GABRR2: variants seen among roughly 807,000 people sequenced by gnomAD.
The protein encoded by GABRR2 is gamma-aminobutyric acid receptor subunit rho-2.
A neutral mutation model predicts 47.0 loss-of-function variants in GABRR2; 36 were observed. The ratio of observed to expected loss-of-function variants is 0.77; its 90% CI spans 0.59 to 1.01. The LOEUF is 1.01. Among genes scored for constraint, GABRR2 ranks in the 50% least tolerant of loss-of-function variants. The probability of loss-of-function intolerance (pLI) is 0.00; values close to 1 mark genes in which losing one functional copy is unlikely to be tolerated. For missense variants in GABRR2, 587 were observed against 594.6 expected (o/e 0.99, Z 0.13); for synonymous variants, 204 against 227.5 (o/e 0.90, Z 0.93).
At chr6:89,290,587 G>A (rs1774420719) in intron 2 of GABRR2, among the ~76,000 whole-genome samples, 1 of 152,238 alleles carries the variant, frequency 6.6e-6, no homozygotes, top group Admixed American at 6.5e-5. Context: ...GAGCCTCACA[G>A]ACTCGACACT....
intron 2 of GABRR2, among the ~76,000 whole-genome samples, chr6:89,272,535 T>C (rs1472291421): frequency 6.6e-6 from 1 of 152,158 alleles, no homozygotes; most frequent in Non-Finnish European, 1.5e-5. Flanking sequence ...TTTTGGATTT[T>C]AATTTTTTTT....
chr6:89,270,075 T>A (rs1774013044), intron 3 of GABRR2, among the ~76,000 whole-genome samples: 1 of 152,210 alleles, frequency 6.6e-6, no homozygotes, highest in South Asian at 2.1e-4. Flanking sequence ...GGATAGTGCA[T>A]GCATGAGAGT....
chr6:89,297,642 G>A (rs572933624), intron 2 of GABRR2, among the ~76,000 whole-genome samples: 7 of 152,306 alleles, frequency 4.6e-5, no homozygotes, highest in African/African-American at 1.7e-4. Flanking sequence ...ATCACTTGAG[G>A]TCAGGAGTTC....
chr6:89,303,150 C>T (rs1259366552), intron 1 of GABRR2: 14 of 454,724 alleles, frequency 3.1e-5, no homozygotes, highest in African/African-American at 1.6e-4. Flanking sequence ...CAGGTGGCGC[C>T]GGTGCCAAGG....
chr6:89,263,453 C>T (rs1405454189), intron 8 of GABRR2, among the ~76,000 whole-genome samples: 1 of 152,206 alleles, frequency 6.6e-6, no homozygotes, highest in Non-Finnish European at 1.5e-5. Context: ...CCCCCAACCC[C>T]TGCCTTGTTC....
rs765407530 is a variant in GABRR2 at position 89,255,245 on chromosome 6, T to G, written c.*2425A>C. Among the ~76,000 whole-genome samples, 95 of 152,100 alleles carry G rather than the reference T, an allele frequency of 6.2e-4. No homozygotes were observed. The highest frequency in any genetic ancestry group is 2.1e-3 in the South Asian group (10 of 4,816). On this transcript the variant is annotated 3_prime_UTR_variant, in exon 9 of 9. Transcript: ENST00000402938. Reference sequence around the variant, plus strand: ...TGAGGTCAGGAGTTCAAGACCAGGCTGACTAACATGGAGAAACCCCATCTC... The same window carrying G: ...TGAGGTCAGGAGTTCAAGACCAGGCGGACTAACATGGAGAAACCCCATCTC...
rs1767740421 is a variant in GABRR2, at chr6:89,315,133, CAA to C, written c.31_32del (p.Leu11ValfsTer31). On this transcript the variant is annotated frameshift_variant, in exon 1 of 9. Coordinates refer to ENST00000402938, the MANE Select transcript of GABRR2 (RefSeq NM_002043.5). LOFTEE classifies it high-confidence loss of function. ...TCTCCACGAGAACCATCAAGCAAAA[CAA>C]GAACAAAATGAGTCTTGTAAAATAA... Reference protein sequence around the residue: MPYFTRLILFLFCLMVLVESR... With the variant: MPYFTRLILFXFCLMVLVESR... The C allele has an allele frequency of 8.1e-6, 13 of 1,613,868 alleles. No homozygotes were observed. Among genetic ancestry groups the C allele is most frequent in the Non-Finnish European group, 1.0e-5 (12 of 1,179,848 alleles).
chr6:89,302,516 C>A (rs1427911805), intron 1 of GABRR2: 3 of 773,798 alleles, frequency 3.9e-6, no homozygotes, highest in Admixed American at 1.9e-5. Context: ...CAGCTCAATG[C>A]GGACCTGCAC....
intron 2 of GABRR2, among the ~76,000 whole-genome samples, chr6:89,296,967 G>A (rs2127846212): frequency 6.6e-6 from 1 of 152,310 alleles, no homozygotes; most frequent in Middle Eastern, 3.4e-3. Context: ...TCTACATACT[G>A]AAGGTACTGA....
rs1442257991 is a variant in GABRR2, at chr6:89,314,249, A to G, written c.113+804T>C. Among the ~76,000 whole-genome samples, 8 of 152,356 alleles carry G rather than the reference A, an allele frequency of 5.3e-5. 1 individual carries two copies. The highest frequency in any genetic ancestry group is 1.9e-4 in the African/African-American group (8 of 41,580). ...ACCACTAGTTTATCTGATGCTTAGT[A>G]GAATGGAAAATAAATGTGTAACATG... On this transcript the variant is annotated intron_variant, in intron 1 of 8. Coordinates refer to ENST00000402938, the MANE Select transcript of GABRR2 (RefSeq NM_002043.5).
At chr6:89,276,682 G>A (rs760084829) in intron 2 of GABRR2, among the ~76,000 whole-genome samples, 9 of 152,122 alleles carry the variant, frequency 5.9e-5, no homozygotes, top group South Asian at 2.1e-4. Context: ...AGTTATGACC[G>A]TTGGAAAGTT....
chr6:89,299,807 G>A lies in GABRR2; in HGVS notation c.172C>T (p.Leu58Phe). ...TKIRKGKPQQ[L>F]LRVDEHDFSM... ...AAGTCGTGCTCGTCCACTCTGAGAA[G>A]CTGCTGAGGCTTTCCCTTCCGGATC... The change falls in exon 2 of 9, where the codon CTT (leucine) becomes TTT (phenylalanine). Residue 58 changes from leucine (L) to phenylalanine (F), a missense_variant. Transcript: ENST00000402938. The A allele has an allele frequency of 6.2e-7, 1 of 1,613,966 alleles. No homozygotes were observed. The highest frequency in any genetic ancestry group is 2.2e-5 in the East Asian group (1 of 44,886).
At chr6:89,276,488 T>C (rs1774164330) in intron 2 of GABRR2, among the ~76,000 whole-genome samples, 1 of 152,068 alleles carries the variant, frequency 6.6e-6, no homozygotes, top group Non-Finnish European at 1.5e-5. Flanking sequence ...TTTTAAAAAA[T>C]GAATAGAAGG....
At chr6:89,282,991 C>T (rs764288525) in intron 2 of GABRR2, among the ~76,000 whole-genome samples, 1 of 152,266 alleles carries the variant, frequency 6.6e-6, no homozygotes, top group Non-Finnish European at 1.5e-5. Flanking sequence ...TAGCTGAGGA[C>T]TGACTCCTCA....
chr6:89,296,437 T>C (rs1195420657), intron 2 of GABRR2, among the ~76,000 whole-genome samples: 2 of 152,208 alleles, frequency 1.3e-5, no homozygotes, highest in East Asian at 1.9e-4. Flanking sequence ...AGGAAAGCCC[T>C]GCAGGAGATT....
chr6:89,273,525 G>A (rs371344748), intron 2 of GABRR2, among the ~76,000 whole-genome samples: 9 of 152,208 alleles, frequency 5.9e-5, no homozygotes, highest in Admixed American at 1.3e-4. Flanking sequence ...ATGAGCCACC[G>A]CACCGGCCTG....
In GABRR2 at chr6:89,255,960, G is replaced by T. The variant is rs1015853002; in HGVS notation, c.*1710C>A. On this transcript the variant is annotated 3_prime_UTR_variant, in exon 9 of 9. Coordinates refer to ENST00000402938, the MANE Select transcript of GABRR2 (RefSeq NM_002043.5). ...GGGTCTCGCTCTGTCACTCAGGCTG[G>T]ACTGCAGTGGCTTGATCACAGCTCA... Among the ~76,000 whole-genome samples, 2 of 151,760 alleles carry T rather than the reference G, an allele frequency of 1.3e-5. No homozygotes were observed. Among genetic ancestry groups the T allele is most frequent in the Admixed American group, 6.6e-5 (1 of 15,214 alleles).
At chr6:89,275,975 AATAAAC>A (rs1774151495) in intron 2 of GABRR2, among the ~76,000 whole-genome samples, 1 of 151,868 alleles carries the variant, frequency 6.6e-6, no homozygotes, top group African/African-American at 2.4e-5. Context: ...ACCTGGCAGA[AATAAAC>A]ATAAATCCCC....
At chr6:89,292,731 A>C (rs140039925) in intron 2 of GABRR2, among the ~76,000 whole-genome samples, 1,834 of 88,392 alleles carry the variant, frequency 0.021, 726 homozygotes, top group East Asian at 0.044. Flanking sequence ...TATATCGTAT[A>C]TATCATATAT....
Sources: gnomAD v4.1 joint callset for allele counts (sites outside exome capture counted in the v4.1 genomes callset) on GRCh38, gnomAD v4.1.1 for gene constraint, MANE v1.5 for transcripts, NCBI Gene and HGNC (gene_info 2026-07-23, HGNC 2026-07-21) for gene names.